FHIP1A: variants seen among roughly 807,000 people sequenced by gnomAD.
FHIP1A encodes FHF complex subunit HOOK-interacting protein 1A.
FHIP1A carries 61 observed loss-of-function variants against 88.6 expected under a neutral mutation model. The observed-to-expected ratio is 0.69, with a 90% CI of 0.56 to 0.85. The LOEUF (loss-of-function observed/expected upper bound fraction) is 0.85, where lower values mean the gene tolerates loss of function less well. Ranked by LOEUF, FHIP1A falls within the 40% of genes least tolerant of loss-of-function variation. The probability of loss-of-function intolerance (pLI) is 0.00; values close to 1 mark genes in which losing one functional copy is unlikely to be tolerated. For synonymous variants in FHIP1A, 478 were observed against 496.0 expected, an observed-to-expected ratio of 0.96 and a Z score of 0.48; for missense variants, 1,154 against 1,273.5, an observed-to-expected ratio of 0.91 and a Z score of 1.43.
intron 7 of FHIP1A, among the ~76,000 whole-genome samples, chr4:151,615,852 C>G (rs951943763): frequency 1.3e-5 from 2 of 152,106 alleles, no homozygotes; most frequent in South Asian, 4.2e-4. Flanking sequence ...TAAGTCACAC[C>G]TGGTGTCATG....
intron 3 of FHIP1A, among the ~76,000 whole-genome samples, chr4:151,536,937 T>A (rs1046225379): frequency 2.6e-5 from 4 of 152,110 alleles, no homozygotes; most frequent in African/African-American, 9.7e-5. Flanking sequence ...TACAGTGGCA[T>A]GAACACGACT....
chr4:151,473,793 T>C (rs1729608272), intron 2 of FHIP1A, among the ~76,000 whole-genome samples: 1 of 152,196 alleles, frequency 6.6e-6, no homozygotes, highest in South Asian at 2.1e-4. Flanking sequence ...TGAAAGCTTA[T>C]ATTTGTAGCA....
chr4:151,498,136 T>C (rs181442804), intron 3 of FHIP1A, among the ~76,000 whole-genome samples: 2 of 152,390 alleles, frequency 1.3e-5, no homozygotes, highest in Admixed American at 6.5e-5. Context: ...CTCTGATCTA[T>C]TGTGGTAATC....
intron 7 of FHIP1A, among the ~76,000 whole-genome samples, chr4:151,619,766 C>G (rs979966970): frequency 1.7e-4 from 26 of 152,318 alleles, no homozygotes; most frequent in African/African-American, 6.0e-4. Flanking sequence ...TAGCAATTTA[C>G]TTACAAAGCA....
chr4:151,521,310 C>A (rs1257547289), intron 3 of FHIP1A, among the ~76,000 whole-genome samples: 1 of 152,096 alleles, frequency 6.6e-6, no homozygotes, highest in Non-Finnish European at 1.5e-5. Flanking sequence ...GAGGAACAGT[C>A]ATTTTGGATG....
At chr4:151,607,897 T>G (rs1334009521) in intron 7 of FHIP1A, among the ~76,000 whole-genome samples, 1 of 152,148 alleles carries the variant, frequency 6.6e-6, no homozygotes, top group African/African-American at 2.4e-5. Flanking sequence ...AGCCAATAAA[T>G]TTTATACCAT....
intron 1 of FHIP1A, among the ~76,000 whole-genome samples, chr4:151,425,017 TA>T (rs1230006658): frequency 6.6e-6 from 1 of 152,212 alleles, no homozygotes; most frequent in Non-Finnish European, 1.5e-5. Context: ...GGGAACTTTA[TA>T]GCTGATGGAT....
At chr4:151,525,566 A>G (rs1731598542) in intron 3 of FHIP1A, among the ~76,000 whole-genome samples, 2 of 152,338 alleles carry the variant, frequency 1.3e-5, no homozygotes, top group Non-Finnish European at 1.5e-5. Flanking sequence ...CCCCACTTCA[A>G]ATTACCCAGA....
chr4:151,475,955 G>A (rs1729684322), intron 2 of FHIP1A, among the ~76,000 whole-genome samples: 1 of 150,666 alleles, frequency 6.6e-6, no homozygotes. Flanking sequence ...TCCGCCTCCC[G>A]TGTTCAAGCA....
intron 7 of FHIP1A, among the ~76,000 whole-genome samples, chr4:151,591,517 A>G (rs983773612): frequency 6.6e-6 from 1 of 152,020 alleles, no homozygotes; most frequent in African/African-American, 2.4e-5. Flanking sequence ...GGTTTGTTAC[A>G]TATGTATACA....
At chr4:151,500,716 C>G (rs1416324864) in intron 3 of FHIP1A, among the ~76,000 whole-genome samples, 2 of 152,112 alleles carry the variant, frequency 1.3e-5, no homozygotes, top group African/African-American at 4.8e-5. Flanking sequence ...AGTTAAGGCC[C>G]TAATCTAGCC....
chr4:151,546,236 C>G (rs1732497712), intron 3 of FHIP1A, among the ~76,000 whole-genome samples: 1 of 152,220 alleles, frequency 6.6e-6, no homozygotes, highest in Admixed American at 6.5e-5. Flanking sequence ...AGCCTTTGGA[C>G]TCCCGGATTT....
At chr4:151,617,640 C>T (rs1735591910) in intron 7 of FHIP1A, among the ~76,000 whole-genome samples, 1 of 152,116 alleles carries the variant, frequency 6.6e-6, no homozygotes, top group Non-Finnish European at 1.5e-5. Flanking sequence ...AATCCCAGCA[C>T]TTTGGGAGGC....
At chr4:151,620,069 T>C (rs1350466604) in intron 7 of FHIP1A, among the ~76,000 whole-genome samples, 1 of 152,230 alleles carries the variant, frequency 6.6e-6, no homozygotes, top group African/African-American at 2.4e-5. Context: ...ACCTCAAAGC[T>C]TCTTACATGT....
chr4:151,648,028 G>C (rs1736862518), intron 10 of FHIP1A, among the ~76,000 whole-genome samples: 4 of 152,196 alleles, frequency 2.6e-5, no homozygotes, highest in Admixed American at 2.6e-4. Context: ...CCACTCTCCT[G>C]CCTCTGAGGT....
chr4:151,647,468 A>G (rs1736842080), intron 10 of FHIP1A, among the ~76,000 whole-genome samples: 1 of 152,118 alleles, frequency 6.6e-6, no homozygotes. Context: ...AAGCGTTTCC[A>G]GTTTATATTC....
chr4:151,634,128 A>G (rs1400633035), intron 8 of FHIP1A, among the ~76,000 whole-genome samples: 1 of 151,860 alleles, frequency 6.6e-6, no homozygotes, highest in Admixed American at 6.6e-5. Flanking sequence ...TATATTAACT[A>G]TGAACAATTC....
chr4:151,659,744 A>G (rs1227149341), intron 13 of FHIP1A, among the ~76,000 whole-genome samples: 1 of 152,188 alleles, frequency 6.6e-6, no homozygotes, highest in Non-Finnish European at 1.5e-5. Flanking sequence ...GAGCTGCTCC[A>G]TTATGCAGGC....
chr4:151,476,244 C>T (rs949101991), intron 2 of FHIP1A, among the ~76,000 whole-genome samples: 2 of 146,698 alleles, frequency 1.4e-5, no homozygotes, highest in African/African-American at 2.5e-5. Flanking sequence ...TGGGCTCAAG[C>T]AATGCTCCCA....
Sources: allele counts gnomAD v4.1 joint callset (sites outside exome capture counted in the v4.1 genomes callset), GRCh38; gene constraint gnomAD v4.1.1; transcripts MANE v1.5; gene names NCBI Gene and HGNC (gene_info 2026-07-23, HGNC 2026-07-21).